Variants in BLTP1 observed in about 807,000 individuals in gnomAD.
The protein encoded by BLTP1 is fragile site-associated protein.
At chr4:122,167,758 C>G in the BLTP1 span, 47 of 985,326 alleles carry the variant, frequency 4.8e-5, no homozygotes, top group Non-Finnish European at 5.5e-5. Context: ...ACATCCAGCT[C>G]TAGGCCGCTG....
chr4:122,289,551 A>G, the BLTP1 span: 23 of 984,728 alleles, frequency 2.3e-5, no homozygotes, highest in East Asian at 2.3e-4. Context: ...GATGATGGCT[A>G]TATGCTGGCA....
the BLTP1 span, among the ~76,000 whole-genome samples, chr4:122,354,590 CTG>C: frequency 6.7e-6 from 1 of 150,204 alleles, no homozygotes; most frequent in Non-Finnish European, 1.5e-5. Context: ...CCAATTATCT[CTG>C]TGTATTGGAA....
chr4:122,174,972 A>G, the BLTP1 span: 1 of 852,904 alleles, frequency 1.2e-6, no homozygotes, highest in Non-Finnish European at 1.4e-6. Context: ...AGCAAGGTTT[A>G]GAGATGTTGG....
the BLTP1 span, chr4:122,196,707 G>A: frequency 8.1e-6 from 13 of 1,612,192 alleles, no homozygotes; most frequent in Non-Finnish European, 1.1e-5. Context: ...CACAGCCTGG[G>A]AGACCAAGAC....
At chr4:122,263,284 A>G in the BLTP1 span, 30 of 981,786 alleles carry the variant, frequency 3.1e-5, no homozygotes, top group African/African-American at 4.7e-4. Context: ...CTATTTATTA[A>G]TGCATTAATA....
At chr4:122,305,746 A>C in the BLTP1 span, 1 of 1,355,084 alleles carries the variant, frequency 7.4e-7, no homozygotes, top group Non-Finnish European at 9.7e-7. Context: ...TATAAGGAAT[A>C]TACATTAACA....
chr4:122,254,473 A>G, the BLTP1 span: 1 of 1,305,194 alleles, frequency 7.7e-7, no homozygotes, highest in African/African-American at 1.5e-5. Flanking sequence ...CAACTTTTTC[A>G]TCATTCTTAC....
At chr4:122,174,616 G>A in the BLTP1 span, 1 of 1,607,122 alleles carries the variant, frequency 6.2e-7, no homozygotes, top group Non-Finnish European at 8.5e-7. Context: ...GTCATGGTTC[G>A]TGAAATCTAT....
the BLTP1 span, chr4:122,349,740 CTT>C: frequency 1.0e-5 from 16 of 1,535,190 alleles, 1 homozygote; most frequent in South Asian, 1.9e-4. This position sits in a 1 kb window ranked among gnomAD's most constrained non-coding sequence, Gnocchi z 4.5. Flanking sequence ...TTACAAAACT[CTT>C]ATTTATTATG....
At chr4:122,199,315 G>T in the BLTP1 span, 3 of 1,598,718 alleles carry the variant, frequency 1.9e-6, no homozygotes, top group Admixed American at 1.7e-5. Context: ...GTTTCATTTT[G>T]TAATTGTTTT....
At chr4:122,153,228 T>C in the BLTP1 span, among the ~76,000 whole-genome samples, 3 of 146,794 alleles carry the variant, frequency 2.0e-5, no homozygotes, top group Non-Finnish European at 1.5e-5. Flanking sequence ...TAAAAGTTCA[T>C]GTGAATTTCC....
the BLTP1 span, chr4:122,262,663 G>A: frequency 1.4e-6 from 2 of 1,390,930 alleles, no homozygotes; most frequent in Non-Finnish European, 1.9e-6. Flanking sequence ...AATGTGCAAA[G>A]TAGCTAGCAG....
the BLTP1 span, chr4:122,234,216 T>A: frequency 1.6e-6 from 1 of 631,968 alleles, no homozygotes; most frequent in Non-Finnish European, 2.0e-6. Context: ...GTAGTCCTTA[T>A]TACAAAGGAG....
chr4:122,274,665 G>GT, the BLTP1 span: 15 of 977,950 alleles, frequency 1.5e-5, no homozygotes, highest in East Asian at 1.7e-3. Flanking sequence ...CAGCAGAGCA[G>GT]TTTCATGTTA....
At chr4:122,360,025 G>GATGTT in the BLTP1 span, 9 of 985,240 alleles carry the variant, frequency 9.1e-6, no homozygotes, top group Non-Finnish European at 1.1e-5. Context: ...TTCTCACCAA[G>GATGTT]ATGTTATTTT....
chr4:122,170,299 C>A, the BLTP1 span: 9 of 905,040 alleles, frequency 9.9e-6, no homozygotes, highest in Non-Finnish European at 1.2e-5. Flanking sequence ...CAGCAAAACT[C>A]CTTCTCAAAA....
chr4:122,278,992 T>A, the BLTP1 span, among the ~76,000 whole-genome samples: 17 of 152,200 alleles, frequency 1.1e-4, no homozygotes, highest in Non-Finnish European at 2.4e-4. Context: ...TTGCTTTGAT[T>A]GTACTTTAGT....
chr4:122,251,356 C>A, the BLTP1 span: 1 of 974,972 alleles, frequency 1.0e-6, no homozygotes, highest in Non-Finnish European at 1.2e-6. Context: ...CCAAAGAAAC[C>A]ACTTTTTAAT....
chr4:122,251,026 T>C, the BLTP1 span: 1 of 985,280 alleles, frequency 1.0e-6, no homozygotes, highest in Non-Finnish European at 1.2e-6. Context: ...ATTTTTATTA[T>C]GGTAGAATTA....
Sources: gnomAD v4.1 joint callset for allele counts (sites outside exome capture counted in the v4.1 genomes callset) on GRCh38, gnomAD v4.1.1 for gene constraint, Gnocchi (gnomAD v3.1) non-coding constraint, MANE v1.5 for transcripts, NCBI Gene and HGNC (gene_info 2026-07-23, HGNC 2026-07-21) for gene names.